The following MGAT4C variants were observed in gnomAD, a reference collection of about 807,000 sequenced individuals.
MGAT4C encodes MGAT4 family member C.
Under a neutral mutation model 40.1 loss-of-function variants are expected in MGAT4C, and 19 were observed. That is an observed-to-expected ratio of 0.47 (90% CI 0.33 to 0.70). MGAT4C has a LOEUF of 0.70. Among genes scored for constraint, MGAT4C ranks in the 30% least tolerant of loss-of-function variants. The pLI is 0.02. For missense variants in MGAT4C, 491 were observed against 563.2 expected (o/e 0.87, Z 1.30); for synonymous variants, 181 against 187.1 (o/e 0.97, Z 0.27).
chr12:86,757,676 T>A (rs965439934), intron 1 of MGAT4C, among the ~76,000 whole-genome samples: 4 of 152,166 alleles, frequency 2.6e-5, no homozygotes, highest in Non-Finnish European at 4.4e-5. Context: ...ATATTTATGC[T>A]TAAAAATGTA....
At chr12:86,264,066 C>T (rs1312524593) in intron 4 of MGAT4C, among the ~76,000 whole-genome samples, 1 of 151,994 alleles carries the variant, frequency 6.6e-6, no homozygotes, top group Admixed American at 6.5e-5. Context: ...TGAGTTCTTT[C>T]TACATCCTGG....
At chr12:86,595,355 A>C (rs1461635731) in intron 2 of MGAT4C, among the ~76,000 whole-genome samples, 1 of 152,108 alleles carries the variant, frequency 6.6e-6, no homozygotes, top group East Asian at 1.9e-4. Flanking sequence ...ACATGCTGAA[A>C]CACCATCTCT....
Position 86,748,105 on chromosome 12 carries a change from T to A in MGAT4C, c.-261-20864A>T, listed in dbSNP as rs536105386. On this transcript the variant is annotated intron_variant, in intron 1 of 7. Coordinates refer to the MGAT4C transcript ENST00000548651. Reference sequence around the variant, plus strand: ...ATCTGATTAGAGAGATGTAAATACCTGCAAAATTCCTTTGACCAAGCCATG... The same window carrying A: ...ATCTGATTAGAGAGATGTAAATACCAGCAAAATTCCTTTGACCAAGCCATG... Among the ~76,000 whole-genome samples the A allele has an allele frequency of 5.9e-5, 9 of 151,740 alleles. No individual in the cohort carries two copies. The South Asian group carries it at 1.9e-3, about 31-fold the overall frequency.
At chr12:86,221,839 T>G (rs1467971942) in intron 1 of MGAT4C, among the ~76,000 whole-genome samples, 6 of 152,260 alleles carry the variant, frequency 3.9e-5, no homozygotes, top group Non-Finnish European at 5.9e-5. Context: ...GGCTGCAGGA[T>G]TCATGTCTTG....
At chr12:86,355,409 T>C (rs1189573054) in intron 3 of MGAT4C, among the ~76,000 whole-genome samples, 1 of 152,198 alleles carries the variant, frequency 6.6e-6, no homozygotes, top group East Asian at 1.9e-4. Context: ...AATGGCTAAA[T>C]ACTTTCTAGA....
chr12:86,394,412 C>T (rs1956209552), intron 3 of MGAT4C, among the ~76,000 whole-genome samples: 1 of 149,844 alleles, frequency 6.7e-6, no homozygotes, highest in South Asian at 2.1e-4. Flanking sequence ...GATATTAGTC[C>T]ACTGAATATT....
At chr12:86,155,770 C>T (rs2060311266) in intron 1 of MGAT4C, among the ~76,000 whole-genome samples, 1 of 151,768 alleles carries the variant, frequency 6.6e-6, no homozygotes, top group South Asian at 2.1e-4. Flanking sequence ...CATATACACA[C>T]AAATTATGGT....
chr12:86,341,597 C>T (rs535627032), intron 3 of MGAT4C, among the ~76,000 whole-genome samples: 3 of 152,208 alleles, frequency 2.0e-5, no homozygotes, highest in Admixed American at 2.0e-4. Flanking sequence ...AGCAGCACTG[C>T]ACTCCCCTAA....
In MGAT4C at chr12:86,777,022, C is replaced by T. The variant is rs1020518595; in HGVS notation, c.-261-49781G>A. On this transcript the variant is annotated intron_variant, in intron 1 of 7. Transcript: ENST00000548651. ...GCTATCTAGGACTTACCCACTTCTT[C>T]GTGAAATAAATTTAGAGGCTTAACT... 3.6e-4 allele frequency among the ~76,000 whole-genome samples: 54 copies of T among 151,976 alleles called. 1 individual carries two copies. Among genetic ancestry groups the T allele is most frequent in the African/African-American group, 1.2e-3 (51 of 41,398 alleles).
Position 86,301,737 on chromosome 12 carries a change from A to AACAT in MGAT4C, c.-57+32324_-57+32327dup, listed in dbSNP as rs564657930. On this transcript the variant is annotated intron_variant, in intron 4 of 7. Coordinates refer to the MGAT4C transcript ENST00000548651. ...ATAAGAAAACAATGAAACATACTCT[A>AACAT]ACATATCATGCCATATTTCTTCACA... is the stretch of plus-strand genomic sequence containing the variant. Among the ~76,000 whole-genome samples, 19 of 152,336 alleles carry AACAT rather than the reference A, an allele frequency of 1.2e-4. No individual in the cohort carries two copies. In the South Asian group the frequency reaches 3.9e-3, roughly 32 times the overall value.
chr12:86,794,441 C>CGA (rs1459755200), intron 1 of MGAT4C, among the ~76,000 whole-genome samples: 10 of 151,730 alleles, frequency 6.6e-5, no homozygotes, highest in Non-Finnish European at 1.3e-4. Flanking sequence ...CAACAGATTT[C>CGA]ATGCTTCAGT....
At chr12:86,200,238 T>C (rs542824482) in intron 1 of MGAT4C, among the ~76,000 whole-genome samples, 1 of 151,652 alleles carries the variant, frequency 6.6e-6, no homozygotes, top group South Asian at 2.1e-4. Context: ...AATGTATTAT[T>C]GCATTGCATT....
At chr12:86,016,935 C>T (rs1480363068) in intron 2 of MGAT4C, among the ~76,000 whole-genome samples, 2 of 139,036 alleles carry the variant, frequency 1.4e-5, no homozygotes, top group Non-Finnish European at 1.6e-5. Context: ...TTTTAAGTCA[C>T]CAAAATGTTA....
rs140577454 is a variant in MGAT4C, at chr12:86,504,280, A to G, written c.-228-69015T>C. ...CACTATCCTATGACTCAGAAATTCC[A>G]CACCTGGGCATATAACCAAAAAATT... On this transcript the variant is annotated intron_variant, in intron 2 of 7. Coordinates refer to the MGAT4C transcript ENST00000548651. Among the ~76,000 whole-genome samples, 1,351 of 152,244 alleles carry G rather than the reference A, an allele frequency of 8.9e-3. 8 individuals are homozygous for G. Among genetic ancestry groups the G allele is most frequent in the Middle Eastern group, 0.017 (5 of 294 alleles).
intron 2 of MGAT4C, among the ~76,000 whole-genome samples, chr12:86,464,257 CT>C (rs1351898368): frequency 6.6e-6 from 1 of 152,162 alleles, no homozygotes; most frequent in Non-Finnish European, 1.5e-5. Flanking sequence ...GCTGCTGAGT[CT>C]TTTGCTAATC....
chr12:86,425,586 A>G (rs1956910652), intron 3 of MGAT4C, among the ~76,000 whole-genome samples: 1 of 152,196 alleles, frequency 6.6e-6, no homozygotes, highest in Non-Finnish European at 1.5e-5. Context: ...AAAACAAATT[A>G]CTATACTGTT....
chr12:86,376,152 A>C (rs1401490935), intron 3 of MGAT4C, among the ~76,000 whole-genome samples: 1 of 151,294 alleles, frequency 6.6e-6, no homozygotes, highest in African/African-American at 2.4e-5. Flanking sequence ...CTGGGAGGCC[A>C]AGGAGGGCAG....
intron 2 of MGAT4C, among the ~76,000 whole-genome samples, chr12:86,466,208 C>CA (rs35660169): frequency 0.85 from 126,734 of 149,554 alleles, 53,744 homozygotes; most frequent in East Asian, 0.95. Context: ...AAGACTCCGT[C>CA]AAAAAAAAAC....
intron 2 of MGAT4C, among the ~76,000 whole-genome samples, chr12:86,540,931 G>A (rs926636639): frequency 2.6e-5 from 4 of 152,176 alleles, no homozygotes; most frequent in African/African-American, 7.2e-5. Flanking sequence ...GTACACAAGG[G>A]TGGGTGAGGT....
Sources: gnomAD v4.1 joint callset for allele counts (sites outside exome capture counted in the v4.1 genomes callset) on GRCh38, gnomAD v4.1.1 for gene constraint, MANE v1.5 for transcripts, NCBI Gene and HGNC (gene_info 2026-07-23, HGNC 2026-07-21) for gene names.